HPS3: variants seen among roughly 807,000 people sequenced by gnomAD.
The protein encoded by HPS3 is HPS3 biogenesis of lysosomal organelles complex 2 subunit 1.
In HPS3, 79 loss-of-function variants were observed where a neutral mutation model predicts 110.9. The observed-to-expected ratio is 0.71, with a 90% CI of 0.59 to 0.86. HPS3 has a LOEUF of 0.86. Ranked by LOEUF, HPS3 falls within the 40% of genes least tolerant of loss-of-function variation. The pLI, the probability that HPS3 is intolerant of heterozygous loss-of-function variation, is 0.00. For synonymous variants in HPS3, 428 were observed against 451.0 expected, an observed-to-expected ratio of 0.95 and a Z score of 0.65; for missense variants, 1,197 against 1,206.2, an observed-to-expected ratio of 0.99 and a Z score of 0.11.
rs576895731 is a variant in HPS3, at chr3:149,156,336, T to C, written c.1510-1014T>C. Among the ~76,000 whole-genome samples, 12 of 152,282 alleles carry C rather than the reference T, an allele frequency of 7.9e-5. No homozygotes were observed. The East Asian group carries it at 2.3e-3, about 29-fold the overall frequency. ...AACATTGACACAGTGCTTTATCTGG[T>C]TTATGGTTCATAGTCTAATTTTGTC... is the stretch of plus-strand genomic sequence containing the variant. On this transcript the variant is annotated intron_variant, in intron 8 of 16. Transcript: ENST00000296051.
At chr3:149,132,928 G>A (rs1030552126) in intron 1 of HPS3, among the ~76,000 whole-genome samples, 3 of 152,166 alleles carry the variant, frequency 2.0e-5, no homozygotes, top group African/African-American at 7.2e-5. Context: ...TAGATGTAGT[G>A]GAAATAGCAA....
At position 149,130,055 on chromosome 3, in the gene HPS3, A is replaced by G. The variant is rs1031220328; in HGVS notation, c.217+115A>G. 5.1e-5 allele frequency: 52 copies of G among 1,027,842 alleles called. No individual in the cohort carries two copies. In the African/African-American group the frequency reaches 6.2e-4, roughly 12 times the overall value. The allele number at this position is 1,027,842 out of a possible 1,614,324, so 63.7% of individuals were successfully genotyped here. A position where few individuals can be genotyped will look rare whatever the true frequency, so the allele number is the denominator to read the frequency against. On this transcript the variant is annotated intron_variant, in intron 1 of 16. Coordinates refer to ENST00000296051, the MANE Select transcript of HPS3 (RefSeq NM_032383.5). ...AGGGATGGGACTTCTTGCTTCCCGG[A>G]ATTTGCCGGATGGTCTCCCTGGGTC...
intron 1 of HPS3, among the ~76,000 whole-genome samples, chr3:149,134,554 G>A (rs1452901131): frequency 6.6e-6 from 1 of 152,124 alleles, no homozygotes; most frequent in African/African-American, 2.4e-5. Context: ...CTATGCATAC[G>A]AATCACTTGG....
intron 4 of HPS3, 138 bp downstream of exon 4, chr3:149,141,518 A>ATTTT: frequency 1.8e-6 from 1 of 560,816 alleles, no homozygotes; most frequent in African/African-American, 2.1e-5. Context: ...CCTTTAACAA[A>ATTTT]GTTTTTTTTT....
rs749381794 is a variant in HPS3 at position 149,173,727 on chromosome 3, G to T, written c.*1505G>T. 3.5e-6 allele frequency: 5 copies of T among 1,437,676 alleles called. No individual in the cohort carries two copies. The highest frequency in any genetic ancestry group is 1.2e-5 in the South Asian group (1 of 80,560). The allele number at this position is 1,437,676 out of a possible 1,614,324, so 89.1% of individuals were successfully genotyped here. A position where few individuals can be genotyped will look rare whatever the true frequency, so the allele number is the denominator to read the frequency against. ...AATTTATTTCATTCAGCCAGATTTG[G>T]TGTCTATAGAAAAAGAAATTTTAAG... On this transcript the variant is annotated 3_prime_UTR_variant, in exon 17 of 17. Transcript: ENST00000296051.
chr3:149,133,007 A>G (rs1012976839), intron 1 of HPS3, among the ~76,000 whole-genome samples: 3 of 152,226 alleles, frequency 2.0e-5, no homozygotes, highest in African/African-American at 7.2e-5. Flanking sequence ...TCAAACTTGA[A>G]TGGGTGAGGA....
In HPS3 at chr3:149,145,487, G is replaced by A. The variant is rs753796386; in HGVS notation, c.1104G>A (p.Gln368=). 6 of 1,614,090 alleles carry A rather than the reference G, an allele frequency of 3.7e-6. No homozygotes were observed. In the Admixed American group the frequency reaches 8.3e-5, roughly 22 times the overall value. The part of the protein sequence containing the change: ...VKSVELMSVY[Q]YPEKSQQAVL... Reference sequence around the variant, plus strand: ...CTGTTGAATTGATGTCAGTCTACCAGTATCCTGAAAAGTCTCAGCAGGCAG... The same window carrying A: ...CTGTTGAATTGATGTCAGTCTACCAATATCCTGAAAAGTCTCAGCAGGCAG... The change falls in exon 5 of 17, where the codon CAG becomes CAA. Residue 368 remains glutamine, a synonymous_variant. Coordinates refer to ENST00000296051, the MANE Select transcript of HPS3 (RefSeq NM_032383.5).
Position 149,162,209 on chromosome 3 carries a change from A to G in HPS3, c.2168A>G (p.Gln723Arg). The change falls in exon 12 of 17, where the codon CAG becomes CGG. Residue 723 changes from glutamine (Q) to arginine (R), a missense_variant. Coordinates refer to ENST00000296051, the MANE Select transcript of HPS3 (RefSeq NM_032383.5). ...CTGTTGATTCAACAGAGAAAGGGAC[A>G]GATTGTTCCAACCGAGCTTGCACTT... ...PRLLIQQRKG[Q>R]IVPTELALHL... is the part of the protein sequence containing the mutation. 2 of 1,614,052 alleles carry G rather than the reference A, an allele frequency of 1.2e-6. No homozygotes were observed. Among genetic ancestry groups the G allele is most frequent in the African/African-American group, 1.3e-5 (1 of 75,052 alleles).
intron 4 of HPS3, among the ~76,000 whole-genome samples, chr3:149,144,203 C>T (rs1265432811): frequency 3.5e-5 from 5 of 144,278 alleles, no homozygotes; most frequent in Admixed American, 6.9e-5. Context: ...GGCGAAACCC[C>T]GTCTCTACTA....
rs182865662 is a variant in HPS3, at chr3:149,173,127, T to C, written c.*905T>C. ...TTCTTCTAATGGCAATGTTTGTCCT[T>C]ACCAGGATTTAATCTATAGAATTGT... On this transcript the variant is annotated 3_prime_UTR_variant, in exon 17 of 17. Transcript: ENST00000296051. 7 of 152,374 alleles carry C rather than the reference T, an allele frequency of 4.6e-5. No homozygotes were observed. Among genetic ancestry groups the C allele is most frequent in the Non-Finnish European group, 1.0e-4 (7 of 68,044 alleles). The allele number at this position is 152,374 out of a possible 1,614,324, so 9.4% of individuals were successfully genotyped here.
rs35865364 is a variant in HPS3 at position 149,161,465 on chromosome 3, T to TAAAAA, written c.2107-679_2107-678insAAAAA. ...TACTGCATTGTTTAGGGAATAATAA[T>TAAAAA]AAAATCTGTACATGTTCAGAACAGA... On this transcript the variant is annotated intron_variant, in intron 11 of 16. Coordinates refer to ENST00000296051, the MANE Select transcript of HPS3 (RefSeq NM_032383.5). Among the ~76,000 whole-genome samples the TAAAAA allele has an allele frequency of 5.3e-4, 78 of 148,494 alleles. 1 individual carries two copies. The highest frequency in any genetic ancestry group is 4.4e-5 in the Non-Finnish European group (3 of 67,644).
In HPS3 at chr3:149,141,958, C is replaced by G. The variant is rs189801266; in HGVS notation, c.970+578C>G. Among the ~76,000 whole-genome samples, 512 of 152,146 alleles carry G rather than the reference C, an allele frequency of 3.4e-3. 2 individuals are homozygous for G. The highest frequency in any genetic ancestry group is 0.012 in the African/African-American group (497 of 41,482). On this transcript the variant is annotated intron_variant, in intron 4 of 16. Transcript: ENST00000296051. ...CTCCACCTCCCGGGTTCAAGTGATT[C>G]TCCTGCCTCAGACTCCCGAGTAGCT...
In HPS3 at chr3:149,140,213, C is replaced by A. The variant is rs559742301; in HGVS notation, c.427C>A (p.Pro143Thr). ...SEAPLCISCCPVKGDLLVGCT... is the reference protein window; with the variant it reads ...SEAPLCISCCTVKGDLLVGCT... Reference sequence around the variant, plus strand: ...GGCCCCCTTGTGCATTTCCTGTTGCCCTGTGAAAGGAGACCTTCTCGTTGG... The same window carrying A: ...GGCCCCCTTGTGCATTTCCTGTTGCACTGTGAAAGGAGACCTTCTCGTTGG... The change falls in exon 2 of 17, where the codon CCT becomes ACT. Residue 143 changes from proline to threonine, a missense_variant. Pro to Thr is a conservative substitution (Grantham distance 38). Transcript: ENST00000296051. 6.2e-7 allele frequency: 1 copy of A among 1,614,026 alleles called. No individual in the cohort carries two copies. The highest frequency in any genetic ancestry group is 1.1e-5 in the South Asian group (1 of 91,064).
chr3:149,130,028 C>T (rs1721659240), intron 1 of HPS3, 88 bp downstream of exon 1: 1 of 1,278,490 alleles, frequency 7.8e-7, no homozygotes, highest in Non-Finnish European at 1.1e-6. Flanking sequence ...GTAGCTCTAG[C>T]TAGGGATGGG....
chr3:149,145,203 C>T (rs1722716895), intron 4 of HPS3, 151 bp from the exon 5 acceptor site: 7 of 648,432 alleles, frequency 1.1e-5, no homozygotes, highest in South Asian at 8.5e-5. Flanking sequence ...TTTTTTATTT[C>T]TTACCAACAT....
chr3:149,144,040 A>C (rs1722639246), intron 4 of HPS3, among the ~76,000 whole-genome samples: 1 of 152,136 alleles, frequency 6.6e-6, no homozygotes, highest in Non-Finnish European at 1.5e-5. Flanking sequence ...ATATGTCTCT[A>C]AAAGTATTCT....
intron 8 of HPS3, among the ~76,000 whole-genome samples, chr3:149,155,688 A>G (rs993788120): frequency 2.0e-5 from 3 of 152,170 alleles, no homozygotes; most frequent in African/African-American, 4.8e-5. Flanking sequence ...TCTAAGAGTG[A>G]CAGCTTCCTA....
At position 149,162,482 on chromosome 3, in the gene HPS3, A is replaced by G. The variant is rs151002010; in HGVS notation, c.2292+149A>G. ...AGTTTATAAGATAAAAGTACTAATT[A>G]AAAGACTATATCTGTAGAAACTTTA... On this transcript the variant is annotated intron_variant, in intron 12 of 16. Coordinates refer to ENST00000296051, the MANE Select transcript of HPS3 (RefSeq NM_032383.5). 8.6e-4 allele frequency: 760 copies of G among 879,376 alleles called. 3 individuals are homozygous for G. In the African/African-American group the frequency reaches 0.01, roughly 12 times the overall value. 54.5% of individuals were successfully genotyped at this position (879,376 alleles called of 1,614,324 possible).
intron 1 of HPS3, among the ~76,000 whole-genome samples, chr3:149,138,470 C>CT (rs1485226449): frequency 6.6e-6 from 1 of 152,128 alleles, no homozygotes. Context: ...TGTATATTTT[C>CT]TAAACCTCCA....
Sources: allele counts gnomAD v4.1 joint callset (sites outside exome capture counted in the v4.1 genomes callset), GRCh38; gene constraint gnomAD v4.1.1; transcripts MANE v1.5; gene names NCBI Gene and HGNC (gene_info 2026-07-23, HGNC 2026-07-21).